TMTC2: variants seen among roughly 807,000 people sequenced by gnomAD.
TMTC2 encodes protein O-mannosyl-transferase TMTC2.
Under a neutral mutation model 82.4 loss-of-function variants are expected in TMTC2, and 43 were observed. That is an observed-to-expected ratio of 0.52 (90% CI 0.41 to 0.67). The LOEUF is 0.67. TMTC2 is among the 30% of genes least tolerant of loss of function. TMTC2 has a pLI of 0.00. For missense variants in TMTC2, 919 were observed against 1,012.4 expected (o/e 0.91, Z 1.25); for synonymous variants, 408 against 381.9 (o/e 1.07, Z -0.80).
intron 2 of TMTC2, among the ~76,000 whole-genome samples, chr12:82,885,936 A>G (rs529438120): frequency 2.6e-5 from 4 of 152,136 alleles, no homozygotes; most frequent in Non-Finnish European, 5.9e-5. Context: ...CCCTTTTTTG[A>G]GGTTGGAGAA....
At chr12:82,724,553 C>T (rs1874359789) in intron 1 of TMTC2, among the ~76,000 whole-genome samples, 1 of 152,114 alleles carries the variant, frequency 6.6e-6, no homozygotes, top group Non-Finnish European at 1.5e-5. Flanking sequence ...CTTCACCTTC[C>T]ACCATGATTG....
chr12:82,723,928 C>T (rs1038369888), intron 1 of TMTC2, among the ~76,000 whole-genome samples: 1 of 152,194 alleles, frequency 6.6e-6, no homozygotes, highest in African/African-American at 2.4e-5. Flanking sequence ...AAAAGAACCA[C>T]CTGAAATTCA....
intron 7 of TMTC2, among the ~76,000 whole-genome samples, chr12:82,973,850 G>T (rs1159321979): frequency 1.3e-5 from 2 of 152,174 alleles, no homozygotes; most frequent in East Asian, 3.8e-4. Context: ...CCTGGAAATA[G>T]GATATGAGAC....
At chr12:82,727,840 A>G (rs1874541141) in intron 1 of TMTC2, among the ~76,000 whole-genome samples, 1 of 130,548 alleles carries the variant, frequency 7.7e-6, no homozygotes, top group Non-Finnish European at 1.6e-5. Flanking sequence ...AGTCTAAGAA[A>G]GGCCAAAAAA....
At chr12:83,081,149 T>C (rs1883452303) in intron 11 of TMTC2, among the ~76,000 whole-genome samples, 1 of 152,220 alleles carries the variant, frequency 6.6e-6, no homozygotes, top group Non-Finnish European at 1.5e-5. Context: ...CAACAGCTTA[T>C]GCAACAATGT....
At chr12:82,915,586 A>G (rs1159619889) in intron 3 of TMTC2, among the ~76,000 whole-genome samples, 1 of 152,204 alleles carries the variant, frequency 6.6e-6, no homozygotes, top group African/African-American at 2.4e-5. Context: ...GTGAGATAAA[A>G]CAGATGTGGT....
Position 82,896,497 on chromosome 12 carries a change from A to G in TMTC2, c.1334A>G (p.Lys445Arg), listed in dbSNP as rs756571297. Residue 445 changes from lysine to arginine, a missense_variant, in exon 3 of 12, where the codon AAA becomes AGA. Physicochemically the swap from Lys to Arg is conservative, Grantham distance 26. Transcript: ENST00000321196. ...GTGGGTGCTAGAGCCCTTTATGTCA[A>G]AGTCCAAAAGCGGTTCCTCAAGAGC... The part of the protein sequence containing the change: ...ITVGARALYV[K>R]VQKRFLKSLI... 10 of 1,614,042 alleles carry G rather than the reference A, an allele frequency of 6.2e-6. No homozygotes were observed. Among genetic ancestry groups the G allele is most frequent in the South Asian group, 2.2e-5 (2 of 91,076 alleles).
chr12:82,982,296 C>A (rs1878952163), intron 7 of TMTC2, among the ~76,000 whole-genome samples: 1 of 151,896 alleles, frequency 6.6e-6, no homozygotes, highest in Admixed American at 6.6e-5. Context: ...GTATTCCACC[C>A]TCTATCAAGG....
chr12:83,013,545 T>C (rs953202839), intron 8 of TMTC2, among the ~76,000 whole-genome samples: 1 of 152,216 alleles, frequency 6.6e-6, no homozygotes, highest in African/African-American at 2.4e-5. Flanking sequence ...ACTTTATTTT[T>C]CCCTCCATTG....
At chr12:82,709,448 A>T (rs529845881) in intron 1 of TMTC2, among the ~76,000 whole-genome samples, 1 of 152,330 alleles carries the variant, frequency 6.6e-6, no homozygotes, top group East Asian at 1.9e-4. Flanking sequence ...TTGAAAAATG[A>T]CTAATTTTAT....
chr12:82,835,805 C>G (rs557979804), intron 1 of TMTC2, among the ~76,000 whole-genome samples: 4 of 152,186 alleles, frequency 2.6e-5, no homozygotes, highest in Non-Finnish European at 5.9e-5. Context: ...CCCCTTGAGA[C>G]TTCCCTCTTC....
chr12:83,005,242 A>G (rs1592688004), intron 8 of TMTC2, among the ~76,000 whole-genome samples: 1 of 148,496 alleles, frequency 6.7e-6, no homozygotes, highest in Admixed American at 6.7e-5. Flanking sequence ...GAGAGAAAAG[A>G]AAAAAGGGCC....
In TMTC2 at chr12:82,826,338, AC is replaced by A. The variant is rs1869420099; in HGVS notation, c.84-30669del. 3.3e-5 allele frequency among the ~76,000 whole-genome samples: 5 copies of A among 152,156 alleles called. No homozygotes were observed. In the South Asian group the frequency reaches 1.0e-3, roughly 32 times the overall value. The stretch of plus-strand genomic sequence containing the variant: ...TGATGTGTGGTGTTCCTAGGTTAGA[AC>A]CCACGAATACCATGTTGATATTCCA... On this transcript the variant is annotated intron_variant, in intron 1 of 11. Coordinates refer to ENST00000321196, the MANE Select transcript of TMTC2 (RefSeq NM_152588.3).
intron 7 of TMTC2, among the ~76,000 whole-genome samples, chr12:82,979,314 T>G (rs1450692919): frequency 6.6e-6 from 1 of 151,778 alleles, no homozygotes; most frequent in Admixed American, 6.6e-5. Context: ...TTTAATTTCT[T>G]GCTTTTTATT....
chr12:82,880,287 G>A (rs545263094), intron 2 of TMTC2, among the ~76,000 whole-genome samples: 25 of 152,266 alleles, frequency 1.6e-4, no homozygotes, highest in Admixed American at 3.9e-4. Flanking sequence ...AAAGCGTCTA[G>A]TACCTCCTGT....
chr12:83,118,193 C>T (rs1284601250), intron 11 of TMTC2, among the ~76,000 whole-genome samples: 1 of 152,098 alleles, frequency 6.6e-6, no homozygotes, highest in African/African-American at 2.4e-5. Flanking sequence ...CTGGCTAGGA[C>T]TTCCAGTACT....
At chr12:82,830,835 T>A (rs1869706861) in intron 1 of TMTC2, among the ~76,000 whole-genome samples, 1 of 152,170 alleles carries the variant, frequency 6.6e-6, no homozygotes, top group African/African-American at 2.4e-5. Context: ...GCTGCTTAGC[T>A]TAAGATATAT....
chr12:83,002,361 AG>A (rs1158211510), intron 8 of TMTC2, among the ~76,000 whole-genome samples: 2 of 151,964 alleles, frequency 1.3e-5, no homozygotes, highest in Non-Finnish European at 2.9e-5. Context: ...TTGTTAATCT[AG>A]CTATGATCTA....
chr12:82,911,018 C>T (rs1874618291), intron 3 of TMTC2, among the ~76,000 whole-genome samples: 1 of 151,916 alleles, frequency 6.6e-6, no homozygotes, highest in African/African-American at 2.4e-5. Context: ...GTAGCTGGGA[C>T]TACAGGCGTC....
Sources: gnomAD v4.1 joint callset for allele counts (sites outside exome capture counted in the v4.1 genomes callset) on GRCh38, gnomAD v4.1.1 for gene constraint, MANE v1.5 for transcripts, NCBI Gene and HGNC (gene_info 2026-07-23, HGNC 2026-07-21) for gene names.